Variants in ITGA2 observed in about 807,000 individuals in gnomAD.
ITGA2 encodes the protein integrin alpha-2.
A neutral mutation model predicts 146.3 loss-of-function variants in ITGA2; 101 were observed. The observed-to-expected ratio is 0.69, with a 90% CI of 0.59 to 0.81. The LOEUF (loss-of-function observed/expected upper bound fraction) is 0.81, where lower values mean the gene tolerates loss of function less well. Ranked by LOEUF, ITGA2 falls within the 40% of genes least tolerant of loss-of-function variation. The pLI is 0.00. For synonymous variants in ITGA2, 477 were observed against 487.1 expected (o/e 0.98, Z 0.27); for missense variants, 1,281 against 1,402.7 (o/e 0.91, Z 1.39).
chr5:53,080,764 A>G, intron 25 of ITGA2, 143 bp downstream of exon 25: 1 of 678,078 alleles, frequency 1.5e-6, no homozygotes. Context: ...ACTAGCAGTT[A>G]ATTTCATATT....
In ITGA2 at chr5:53,093,116, CAAA is replaced by C. The variant is rs35440530; in HGVS notation, c.*2524_*2526del. 8.8e-6 allele frequency: 1 copy of C among 114,070 alleles called. No homozygotes were observed. Among genetic ancestry groups the C allele is most frequent in the Non-Finnish European group, 1.9e-5 (1 of 53,758 alleles). The allele number at this position is 114,070 out of a possible 1,614,324, so 7.1% of individuals were successfully genotyped here. A position where few individuals can be genotyped will look rare whatever the true frequency, so the allele number is the denominator to read the frequency against. On this transcript the variant is annotated 3_prime_UTR_variant, in exon 30 of 30. Coordinates refer to ENST00000296585, the MANE Select transcript of ITGA2 (RefSeq NM_002203.4). ...CAAGACTCTGTCTCAAACAAACAAA[CAAA>C]AAAAAAGTTAGTACTGTATATGTAA... is the stretch of plus-strand genomic sequence containing the variant.
At chr5:53,035,079 A>G (rs1298489309) in intron 2 of ITGA2, among the ~76,000 whole-genome samples, 1 of 152,228 alleles carries the variant, frequency 6.6e-6, no homozygotes, top group Non-Finnish European at 1.5e-5. Context: ...GCTATAAAGC[A>G]GTTTACAAAT....
intron 12 of ITGA2, 39 bp from the exon 13 acceptor site, chr5:53,062,747 T>A (rs140417934): frequency 1.3e-6 from 2 of 1,596,194 alleles, no homozygotes; most frequent in East Asian, 2.2e-5. Context: ...AGTATATGAA[T>A]CCTAGGAATT....
rs1018652163 is a variant in ITGA2 at position 53,092,077 on chromosome 5, A to G, written c.*1478A>G. On this transcript the variant is annotated 3_prime_UTR_variant, in exon 30 of 30. Transcript: ENST00000296585. ...AAGCACCCCAGTCACTAGGATGCAG[A>G]TGGACCACACTTTGAGAAACACCAC... 31 of 152,360 alleles carry G rather than the reference A, an allele frequency of 2.0e-4. No homozygotes were observed. The highest frequency in any genetic ancestry group is 6.7e-4 in the African/African-American group (28 of 41,578). 9.4% of individuals were successfully genotyped at this position (152,360 alleles called of 1,614,324 possible).
In ITGA2 at chr5:53,075,268, T is replaced by C. The variant is rs1237192288; in HGVS notation, c.2789T>C (p.Ile930Thr). ...GCTGATAATTTGGTCAACCTCAAAA[T>C]TCCTCTCCTGTATGATGCTGAAATT... Reference protein sequence around the residue: ...NKADNLVNLKIPLLYDAEIHL... With the variant: ...NKADNLVNLKTPLLYDAEIHL... The change falls in exon 23 of 30, where the codon ATT becomes ACT. Residue 930 changes from isoleucine to threonine, a missense_variant. Physicochemically the swap from Ile to Thr is moderately conservative, Grantham distance 89. Around this residue, in one of 3 missense-constraint regions of ITGA2, gnomAD observed 475 missense variants for 530.5 expected, o/e 0.90. Coordinates refer to ENST00000296585, the MANE Select transcript of ITGA2 (RefSeq NM_002203.4). 6 of 1,612,664 alleles carry C rather than the reference T, an allele frequency of 3.7e-6. No homozygotes were observed. The highest frequency in any genetic ancestry group is 4.2e-6 in the Non-Finnish European group (5 of 1,179,306).
At chr5:52,989,669 C>T (rs988462139) in intron 1 of ITGA2, 137 bp downstream of exon 1, 1 of 882,904 alleles carries the variant, frequency 1.1e-6, no homozygotes, top group Non-Finnish European at 1.9e-6. Context: ...GGGCTCCCAG[C>T]CACCAGGACC....
chr5:52,995,519 T>C (rs1741196539), intron 1 of ITGA2, among the ~76,000 whole-genome samples: 1 of 152,156 alleles, frequency 6.6e-6, no homozygotes. Flanking sequence ...AGGGAGAAGA[T>C]AAGGCTGATG....
chr5:53,090,077 A>G lies in ITGA2; in HGVS notation c.3465+15A>G, dbSNP rs765906367. On this transcript the variant is annotated intron_variant, in intron 29 of 29. Coordinates refer to ENST00000296585, the MANE Select transcript of ITGA2 (RefSeq NM_002203.4). Reference sequence around the variant, plus strand: ...TTTTATGGAAGGTAAGAAAAGCTTTATATTTTAAAATACAGGGCTCCTGAA... The same window carrying G: ...TTTTATGGAAGGTAAGAAAAGCTTTGTATTTTAAAATACAGGGCTCCTGAA... The G allele has an allele frequency of 4.1e-6, 6 of 1,470,070 alleles. No individual in the cohort carries two copies. The South Asian group carries it at 5.7e-5, about 14-fold the overall frequency. 91.1% of individuals were successfully genotyped at this position (1,470,070 alleles called of 1,614,324 possible).
intron 1 of ITGA2, among the ~76,000 whole-genome samples, chr5:53,005,709 C>T (rs888069608): frequency 5.3e-5 from 8 of 151,986 alleles, no homozygotes; most frequent in African/African-American, 1.9e-4. Flanking sequence ...CTACTAAGTA[C>T]TTACCATTTG....
intron 4 of ITGA2, among the ~76,000 whole-genome samples, chr5:53,046,087 A>G (rs1191162909): frequency 6.7e-6 from 1 of 149,806 alleles, no homozygotes. Flanking sequence ...GCTACTCGGG[A>G]GGCTGAGGCA....
intron 10 of ITGA2, 121 bp downstream of exon 10, chr5:53,058,222 C>A: frequency 1.3e-6 from 1 of 769,286 alleles, no homozygotes; most frequent in Non-Finnish European, 2.3e-6. Context: ...GATTCCTAGT[C>A]ACGGTCATTT....
At chr5:53,057,937 C>CGTGTGTGTTTGTGTTTGTGTTTGT in intron 9 of ITGA2, 88 bp from the exon 10 acceptor site, 1 of 852,754 alleles carries the variant, frequency 1.2e-6, no homozygotes, top group Non-Finnish European at 2.0e-6. Context: ...TGTTTGTAGG[C>CGTGTGTGTTTGTGTTTGTGTTTGT]ATGTGTGTAC....
At chr5:53,061,422 G>A (rs1033954215) in intron 12 of ITGA2, among the ~76,000 whole-genome samples, 10 of 151,898 alleles carry the variant, frequency 6.6e-5, no homozygotes, top group Non-Finnish European at 2.9e-5. Flanking sequence ...TGTAACCACT[G>A]CTTTGTAGGT....
chr5:52,997,239 C>A (rs1000672739), intron 1 of ITGA2, among the ~76,000 whole-genome samples: 4 of 152,064 alleles, frequency 2.6e-5, no homozygotes, highest in Non-Finnish European at 4.4e-5. Flanking sequence ...TTCTGTTGCC[C>A]AAATAGGTAA....
In ITGA2 at chr5:53,072,594, CT is replaced by C; in HGVS notation, c.2347-13del. ...TCAACCCAAGAGCAAATGTATGGAT[CT>C]TTTTTCCTTTTTCGTAGATTCCTTT... is the stretch of plus-strand genomic sequence containing the variant. On this transcript the variant is annotated intron_variant, in intron 18 of 29. Coordinates refer to ENST00000296585, the MANE Select transcript of ITGA2 (RefSeq NM_002203.4). 6.3e-7 allele frequency: 1 copy of C among 1,596,344 alleles called. No homozygotes were observed. Among genetic ancestry groups the C allele is most frequent in the Non-Finnish European group, 8.6e-7 (1 of 1,167,350 alleles).
intron 1 of ITGA2, among the ~76,000 whole-genome samples, chr5:52,998,512 C>A (rs1741394006): frequency 6.6e-6 from 1 of 151,998 alleles, no homozygotes; most frequent in Non-Finnish European, 1.5e-5. Context: ...GAGCTCCTGC[C>A]TTTTTTCATG....
chr5:53,005,951 C>T (rs1396247672), intron 1 of ITGA2, among the ~76,000 whole-genome samples: 1 of 152,072 alleles, frequency 6.6e-6, no homozygotes, highest in Non-Finnish European at 1.5e-5. Context: ...ACATCACAAA[C>T]TAACACAGAA....
At chr5:52,999,379 T>C (rs998149731) in intron 1 of ITGA2, among the ~76,000 whole-genome samples, 9 of 152,126 alleles carry the variant, frequency 5.9e-5, no homozygotes, top group Admixed American at 4.6e-4. Context: ...AAAAGGTAAA[T>C]GTACAGCTTT....
Position 53,093,606 on chromosome 5 carries a change from A to G in ITGA2, c.*3007A>G, listed in dbSNP as rs1187203104. ...GCCTCCTGGGGGGCAGTATTTCTCA[A>G]GCACTTTTAAGCAAAGGTAAGTATT... On this transcript the variant is annotated 3_prime_UTR_variant, in exon 30 of 30. Coordinates refer to ENST00000296585, the MANE Select transcript of ITGA2 (RefSeq NM_002203.4). 6.6e-6 allele frequency: 1 copy of G among 152,224 alleles called. No homozygotes were observed. Among genetic ancestry groups the G allele is most frequent in the East Asian group, 1.9e-4 (1 of 5,200 alleles). The allele number at this position is 152,224 out of a possible 1,614,324, so 9.4% of individuals were successfully genotyped here.
Sources: allele counts gnomAD v4.1 joint callset (sites outside exome capture counted in the v4.1 genomes callset), GRCh38; gene constraint gnomAD v4.1.1; regional missense constraint gnomAD v4.1.1; transcripts MANE v1.5; gene names NCBI Gene and HGNC (gene_info 2026-07-23, HGNC 2026-07-21).